KIF26B: variants seen among roughly 807,000 people sequenced by gnomAD.
KIF26B encodes kinesin-like protein KIF26B.
Under a neutral mutation model 151.2 loss-of-function variants are expected in KIF26B, and 63 were observed. That is an observed-to-expected ratio of 0.42 (90% confidence interval 0.34 to 0.51). The LOEUF is 0.51. KIF26B is among the 20% of genes least tolerant of loss of function. The pLI, the probability that KIF26B is intolerant of heterozygous loss-of-function variation, is 0.07. For missense variants in KIF26B, 2,813 were observed against 2,913.6 expected (o/e 0.97, Z 0.79); for synonymous variants, 1,357 against 1,262.1 (o/e 1.08, Z -1.59).
At chr1:245,672,361 C>A (rs986511550) in intron 10 of KIF26B, among the ~76,000 whole-genome samples, 2 of 152,170 alleles carry the variant, frequency 1.3e-5, no homozygotes, top group African/African-American at 4.8e-5. Context: ...AGAAAGGCCA[C>A]GGCACAGGGA....
chr1:245,260,405 C>T (rs1333998557), intron 2 of KIF26B, among the ~76,000 whole-genome samples: 2 of 152,140 alleles, frequency 1.3e-5, no homozygotes, highest in Admixed American at 6.5e-5. Flanking sequence ...ACTTCCTGGC[C>T]CAAGTGCAGG....
intron 9 of KIF26B, among the ~76,000 whole-genome samples, chr1:245,618,162 G>A (rs182406116): frequency 6.6e-6 from 1 of 152,340 alleles, no homozygotes; most frequent in East Asian, 1.9e-4. Context: ...CAACAAAGAC[G>A]TCAGATTCCC....
chr1:245,460,174 T>C (rs1162238885), intron 4 of KIF26B, among the ~76,000 whole-genome samples: 2 of 152,140 alleles, frequency 1.3e-5, no homozygotes, highest in South Asian at 2.1e-4. Flanking sequence ...ACCATGTTGG[T>C]CGGGCTGTCT....
At position 245,488,315 on chromosome 1, in the gene KIF26B, G is replaced by GA. The variant is rs568146094; in HGVS notation, c.1167-52441dup. ...AAAAAGAATCCTCTAACCATATGGGGAAAAAAAAAAATCAGCAACAACTTT... is the reference window on the plus strand; with the variant it reads ...AAAAAGAATCCTCTAACCATATGGGGAAAAAAAAAAAATCAGCAACAACTTT... On this transcript the variant is annotated intron_variant, in intron 4 of 14. Coordinates refer to ENST00000407071, the MANE Select transcript of KIF26B (RefSeq NM_018012.4). The surrounding 1 kb of genome is among the most constrained non-coding windows in gnomAD (Gnocchi z 4.6). Among the ~76,000 whole-genome samples, 29 of 146,506 alleles carry GA rather than the reference G, an allele frequency of 2.0e-4. No individual in the cohort carries two copies. The highest frequency in any genetic ancestry group is 4.0e-4 in the African/African-American group (16 of 40,142).
chr1:245,325,766 T>A (rs1475105308), intron 2 of KIF26B, among the ~76,000 whole-genome samples: 1 of 151,730 alleles, frequency 6.6e-6, no homozygotes, highest in Admixed American at 6.6e-5. Flanking sequence ...ATTCTAGGAA[T>A]AGGAACGTCA....
Position 245,640,144 on chromosome 1 carries a change from T to TCTCTCTCTCTCTCTCTCTCTCTAA in KIF26B, c.2099-5977_2099-5976insCTCTCTCTCTCTCTCTCTCTCTAA. Reference sequence around the variant, plus strand: ...TTTGCTCTCTCTCTCTCTCTCTCTCTATATATATATATATATACCCTGCTA... The same window carrying TCTCTCTCTCTCTCTCTCTCTCTAA: ...TTTGCTCTCTCTCTCTCTCTCTCTCTCTCTCTCTCTCTCTCTCTCTCTAAATATATATATATATATACCCTGCTA... On this transcript the variant is annotated intron_variant, in intron 9 of 14. Transcript: ENST00000407071. 5.5e-5 allele frequency among the ~76,000 whole-genome samples: 4 copies of TCTCTCTCTCTCTCTCTCTCTCTAA among 73,254 alleles called. 1 individual carries two copies. Among genetic ancestry groups the TCTCTCTCTCTCTCTCTCTCTCTAA allele is most frequent in the African/African-American group, 2.5e-4 (4 of 16,236 alleles). The allele number at this position is 73,254 out of a possible 152,430, so 48.1% of individuals were successfully genotyped here. A position where few individuals can be genotyped will look rare whatever the true frequency, so the allele number is the denominator to read the frequency against.
At chr1:245,310,907 C>T (rs1282368677) in intron 2 of KIF26B, among the ~76,000 whole-genome samples, 1 of 152,080 alleles carries the variant, frequency 6.6e-6, no homozygotes. Flanking sequence ...AAAGCACTTT[C>T]CTGGTGTCAT....
Position 245,688,561 on chromosome 1 carries a change from C to A in KIF26B, c.5578C>A (p.Pro1860Thr), listed in dbSNP as rs932428579. 6.4e-7 allele frequency: 1 copy of A among 1,550,674 alleles called. No homozygotes were observed. The highest frequency in any genetic ancestry group is 1.4e-5 in the African/African-American group (1 of 72,886). ...CAGCAAGATCACGCCCCCGCGGAGGCCCCACCGCTGCAGCAGCGGCCACGG... is the reference window on the plus strand; with the variant it reads ...CAGCAAGATCACGCCCCCGCGGAGGACCCACCGCTGCAGCAGCGGCCACGG... ...PYSKITPPRR[P>T]HRCSSGHGSD... The change falls in exon 12 of 15, where the codon CCC (proline) becomes ACC (threonine). Residue 1860 changes from proline (P) to threonine (T), a missense_variant. By Grantham distance (38) the Pro-to-Thr change is conservative. This residue lies in a region of KIF26B where 2,060 missense variants were observed against 2,088.6 expected (regional missense o/e 0.99). Transcript: ENST00000407071.
In KIF26B at chr1:245,229,583, T is replaced by C. The variant is rs148099784; in HGVS notation, c.465+72900T>C. 2.1e-3 allele frequency among the ~76,000 whole-genome samples: 314 copies of C among 152,336 alleles called. 1 individual carries two copies. Among genetic ancestry groups the C allele is most frequent in the African/African-American group, 7.4e-3 (307 of 41,582 alleles). On this transcript the variant is annotated intron_variant, in intron 2 of 14. Coordinates refer to ENST00000407071, the MANE Select transcript of KIF26B (RefSeq NM_018012.4). ...ACCTTTTGTCTTGGCCATCCTGTTG[T>C]TCATTAATCTGATGTATACTCACTG... is the stretch of plus-strand genomic sequence containing the variant.
chr1:245,219,711 G>A (rs1436346927), intron 2 of KIF26B, among the ~76,000 whole-genome samples: 4 of 152,144 alleles, frequency 2.6e-5, no homozygotes, highest in East Asian at 1.9e-4. Flanking sequence ...TCTAGCCTGC[G>A]CAACAGAGTG....
intron 10 of KIF26B, among the ~76,000 whole-genome samples, chr1:245,663,430 T>C (rs1245566571): frequency 6.6e-6 from 1 of 152,158 alleles, no homozygotes; most frequent in Non-Finnish European, 1.5e-5. Flanking sequence ...TAATTGTCTC[T>C]AACATGTTAA....
rs1771534 is a variant in KIF26B at position 245,582,284 on chromosome 1, C to G, written c.1351-20293C>G. ...TGTCAATAAACCACACAGTAAAGAT[C>G]TGGATAATAGGAGCAGAACAGTTTC... is the stretch of plus-strand genomic sequence containing the variant. On this transcript the variant is annotated intron_variant, in intron 5 of 14. Coordinates refer to ENST00000407071, the MANE Select transcript of KIF26B (RefSeq NM_018012.4). 9.2e-5 allele frequency among the ~76,000 whole-genome samples: 14 copies of G among 152,164 alleles called. No individual in the cohort carries two copies. The South Asian group carries it at 2.7e-3, about 29-fold the overall frequency.
intron 5 of KIF26B, among the ~76,000 whole-genome samples, chr1:245,596,247 T>C (rs1014744129): frequency 1.3e-5 from 2 of 152,236 alleles, no homozygotes; most frequent in African/African-American, 4.8e-5. Context: ...TTAATTGTGA[T>C]GTTAGGGTGT....
intron 9 of KIF26B, among the ~76,000 whole-genome samples, chr1:245,613,619 T>A (rs2043551862): frequency 6.6e-6 from 1 of 151,962 alleles, no homozygotes; most frequent in South Asian, 2.1e-4. Context: ...ATAAAAAGAC[T>A]TCCAGCTGGG....
At chr1:245,200,746 C>T (rs868659683) in intron 2 of KIF26B, among the ~76,000 whole-genome samples, 6 of 152,176 alleles carry the variant, frequency 3.9e-5, no homozygotes, top group Non-Finnish European at 7.3e-5. Context: ...GAGAACGCAG[C>T]TTTAATCCAA....
chr1:245,325,094 C>CAAAAAAA (rs57433161), intron 2 of KIF26B, among the ~76,000 whole-genome samples: 1 of 96,566 alleles, frequency 1.0e-5, no homozygotes, highest in Non-Finnish European at 2.4e-5. Flanking sequence ...GACCTTGTCT[C>CAAAAAAA]AAAAAAAAAA....
intron 2 of KIF26B, among the ~76,000 whole-genome samples, chr1:245,311,762 G>A (rs1463292995): frequency 6.6e-6 from 1 of 152,050 alleles, no homozygotes; most frequent in Admixed American, 6.6e-5. Context: ...GGGAAACCCT[G>A]TCTCTACCAA....
intron 2 of KIF26B, among the ~76,000 whole-genome samples, chr1:245,246,112 A>AAAAAAAAG (rs1558360154): frequency 6.7e-6 from 1 of 148,392 alleles, no homozygotes; most frequent in Non-Finnish European, 1.5e-5. Flanking sequence ...AAAAAAAAAA[A>AAAAAAAAG]AAAGAAAGGT....
At chr1:245,603,962 C>T (rs1163447253) in intron 6 of KIF26B, among the ~76,000 whole-genome samples, 1 of 152,140 alleles carries the variant, frequency 6.6e-6, no homozygotes, top group Non-Finnish European at 1.5e-5. Flanking sequence ...AACTGCAGAC[C>T]TCACCAGATG....
Sources: allele counts gnomAD v4.1 joint callset (sites outside exome capture counted in the v4.1 genomes callset), GRCh38; gene constraint gnomAD v4.1.1; regional missense constraint gnomAD v4.1.1; non-coding constraint Gnocchi (gnomAD v3.1); transcripts MANE v1.5; gene names NCBI Gene and HGNC (gene_info 2026-07-23, HGNC 2026-07-21).